The following PIK3R6 variants were observed in gnomAD, a reference collection of about 807,000 sequenced individuals.
PIK3R6 encodes phosphoinositide-3-kinase regulatory subunit 6.
In PIK3R6, 91 loss-of-function variants were observed where a neutral mutation model predicts 84.9. The ratio of observed to expected loss-of-function variants is 1.07; its 90% CI spans 0.90 to 1.28. PIK3R6 has a LOEUF of 1.28. Ranked by LOEUF, PIK3R6 falls within the 50% of genes most tolerant of loss-of-function variation. The probability of loss-of-function intolerance (pLI) is 0.00; values close to 1 mark genes in which losing one functional copy is unlikely to be tolerated. For synonymous variants in PIK3R6, 416 were observed against 411.4 expected (o/e 1.01, Z -0.13); for missense variants, 996 against 985.1 (o/e 1.01, Z -0.15).
In PIK3R6 at chr17:8,823,262, G is replaced by A. The variant is rs779977017; in HGVS notation, c.1626+125C>T. On this transcript the variant is annotated intron_variant, in intron 14 of 19. Coordinates refer to ENST00000619866, the MANE Select transcript of PIK3R6 (RefSeq NM_001010855.4). ...TTCATTTAGAGATGAAGAAGGTAACGTTAATAACCAAGAGCGTCTGGGTGT... is the reference window on the plus strand; with the variant it reads ...TTCATTTAGAGATGAAGAAGGTAACATTAATAACCAAGAGCGTCTGGGTGT... 8.4e-5 allele frequency: 69 copies of A among 825,252 alleles called. 1 individual carries two copies. Among genetic ancestry groups the A allele is most frequent in the South Asian group, 5.1e-4 (30 of 59,192 alleles). The allele number at this position is 825,252 out of a possible 1,614,324, so 51.1% of individuals were successfully genotyped here.
intron 1 of PIK3R6, 111 bp downstream of exon 1, chr17:8,867,418 G>A (rs932641484): frequency 5.1e-5 from 9 of 175,694 alleles, no homozygotes; most frequent in South Asian, 2.0e-4. Context: ...TAAGAGCCAG[G>A]GGTGTTTCAG....
intron 18 of PIK3R6, among the ~76,000 whole-genome samples, chr17:8,808,981 G>A (rs1035956780): frequency 1.3e-5 from 2 of 152,134 alleles, no homozygotes; most frequent in Non-Finnish European, 2.9e-5. Flanking sequence ...TAAAACTGGG[G>A]AAAACATTTA....
chr17:8,815,640 G>C (rs1421024769), intron 18 of PIK3R6, among the ~76,000 whole-genome samples: 3 of 152,152 alleles, frequency 2.0e-5, no homozygotes, highest in Admixed American at 6.6e-5. Context: ...GGAATCAAAG[G>C]GTTTGGGTTT....
At chr17:8,829,819 C>A (rs774169166) in intron 9 of PIK3R6, 27 bp from the exon 10 acceptor site, 109 of 1,538,650 alleles carry the variant, frequency 7.1e-5, no homozygotes, top group Non-Finnish European at 9.4e-5. Context: ...GCTGTGGAGG[C>A]CATGGAGGAG....
At chr17:8,866,559 C>A (rs952918673) in intron 1 of PIK3R6, among the ~76,000 whole-genome samples, 1 of 152,016 alleles carries the variant, frequency 6.6e-6, no homozygotes, top group Admixed American at 6.6e-5. Flanking sequence ...AAAAAAGGAC[C>A]GGCCTGCGAG....
At chr17:8,828,420 G>T in intron 11 of PIK3R6, 147 bp downstream of exon 11, 2 of 1,063,770 alleles carry the variant, frequency 1.9e-6, no homozygotes, top group Non-Finnish European at 2.7e-6. Flanking sequence ...TGACGGCTGC[G>T]GGCACTGTGC....
At chr17:8,813,438 C>A (rs2087423608) in intron 18 of PIK3R6, among the ~76,000 whole-genome samples, 1 of 152,022 alleles carries the variant, frequency 6.6e-6, no homozygotes, top group African/African-American at 2.4e-5. Flanking sequence ...CAAAGCTAGG[C>A]AAGAACACAA....
At chr17:8,807,746 G>T (rs1597373964) in intron 18 of PIK3R6, among the ~76,000 whole-genome samples, 2 of 152,168 alleles carry the variant, frequency 1.3e-5, no homozygotes, top group Non-Finnish European at 2.9e-5. Flanking sequence ...AGAAGAAGGG[G>T]AGTGAAGCTA....
At chr17:8,861,181 C>CAAAAA (rs35125812) in intron 1 of PIK3R6, among the ~76,000 whole-genome samples, 3 of 95,628 alleles carry the variant, frequency 3.1e-5, no homozygotes, top group Non-Finnish European at 6.2e-5. Flanking sequence ...GACTCTGTCT[C>CAAAAA]AAAAAAAAAA....
At chr17:8,853,054 C>G (rs1044257046) in intron 1 of PIK3R6, among the ~76,000 whole-genome samples, 1 of 151,726 alleles carries the variant, frequency 6.6e-6, no homozygotes, top group African/African-American at 2.4e-5. Flanking sequence ...AAAATAAAGG[C>G]ACAATTATAG....
intron 1 of PIK3R6, among the ~76,000 whole-genome samples, chr17:8,852,862 T>G (rs2089010345): frequency 1.3e-5 from 2 of 152,202 alleles, no homozygotes; most frequent in African/African-American, 4.8e-5. Context: ...GAGAAATTAG[T>G]ATAGCCTTTC....
chr17:8,822,007 A>G, intron 16 of PIK3R6, 71 bp from the exon 17 acceptor site: 1 of 1,252,092 alleles, frequency 8.0e-7, no homozygotes, highest in East Asian at 2.6e-5. Context: ...CCCCACATCC[A>G]CAGTCTTGCC....
At chr17:8,843,714 C>T (rs1011935412) in intron 2 of PIK3R6, among the ~76,000 whole-genome samples, 2 of 152,054 alleles carry the variant, frequency 1.3e-5, no homozygotes, top group Admixed American at 6.6e-5. Context: ...TTTCTGGCAT[C>T]TCTCGAAAAT....
In PIK3R6 at chr17:8,836,798, A is replaced by G; in HGVS notation, c.384T>C (p.Ala128=). 1 of 1,609,800 alleles carries G rather than the reference A, an allele frequency of 6.2e-7. No individual in the cohort carries two copies. The highest frequency in any genetic ancestry group is 8.5e-7 in the Non-Finnish European group (1 of 1,178,056). The part of the protein sequence containing the change: ...DCAIRLKTEM[A]VPGTLYQRMV... ...ATGCCCAGTGACTCTTACCTGGGAC[A>G]GCCATCTCCGTTTTCAGCCTTATCG... Residue 128 remains alanine (A), a synonymous_variant, in exon 6 of 20, where the codon GCT becomes GCC. Transcript: ENST00000619866.
intron 18 of PIK3R6, among the ~76,000 whole-genome samples, chr17:8,814,945 AT>A (rs1387918714): frequency 2.6e-5 from 4 of 152,156 alleles, no homozygotes; most frequent in Non-Finnish European, 5.9e-5. Flanking sequence ...AAAAAGTCTC[AT>A]ACAAAGACTA....
At chr17:8,849,740 G>A (rs372857801) in intron 2 of PIK3R6, 42 bp downstream of exon 2, 67 of 1,590,558 alleles carry the variant, frequency 4.2e-5, no homozygotes, top group Non-Finnish European at 5.7e-5. Flanking sequence ...TTCCCCACTC[G>A]GCAGCAGGCT....
At chr17:8,832,066 T>G (rs1483011646) in intron 9 of PIK3R6, among the ~76,000 whole-genome samples, 2 of 152,226 alleles carry the variant, frequency 1.3e-5, no homozygotes, top group Non-Finnish European at 2.9e-5. Context: ...CTCTGGTCCT[T>G]GGACGATCAA....
chr17:8,837,898 G>A (rs1375165892), intron 4 of PIK3R6, 27 bp from the exon 5 acceptor site: 4 of 1,601,568 alleles, frequency 2.5e-6, no homozygotes, highest in Admixed American at 1.7e-5. Context: ...CACGTGACAG[G>A]TATTGGGCTG....
At chr17:8,833,167 C>T (rs2088322565) in intron 8 of PIK3R6, 122 bp from the exon 9 acceptor site, 4 of 1,328,552 alleles carry the variant, frequency 3.0e-6, no homozygotes, top group South Asian at 3.1e-5. Context: ...CCTGGGGGCC[C>T]GGCAGGAGCT....
Sources: allele counts gnomAD v4.1 joint callset (sites outside exome capture counted in the v4.1 genomes callset), GRCh38; gene constraint gnomAD v4.1.1; transcripts MANE v1.5; gene names NCBI Gene and HGNC (gene_info 2026-07-23, HGNC 2026-07-21).